Variants in MSH3 observed in about 807,000 individuals in gnomAD.
MSH3 encodes mutS homolog 3, also known as DNA mismatch repair protein Msh3.
In MSH3, 106 loss-of-function variants were observed where a neutral mutation model predicts 123.3. The observed-to-expected ratio is 0.86, with a 90% CI of 0.73 to 1.01. The LOEUF is 1.01. MSH3 is among the 50% of genes least tolerant of loss of function. The probability of loss-of-function intolerance (pLI) is 0.00; values close to 1 mark genes in which losing one functional copy is unlikely to be tolerated. For synonymous variants in MSH3, 515 were observed against 481.4 expected (o/e 1.07, Z -0.91); for missense variants, 1,459 against 1,347.6 (o/e 1.08, Z -1.29).
At chr5:80,824,114 A>G (rs997803341) in intron 20 of MSH3, among the ~76,000 whole-genome samples, 14 of 152,212 alleles carry the variant, frequency 9.2e-5, no homozygotes, top group Non-Finnish European at 2.9e-5. Context: ...AGACACAGCA[A>G]CAATCTGATT....
chr5:80,786,357 A>G (rs1225059521), intron 17 of MSH3, among the ~76,000 whole-genome samples: 1 of 152,202 alleles, frequency 6.6e-6, no homozygotes, highest in Admixed American at 6.5e-5. Context: ...TGTAAAACTT[A>G]GGTAATGAAG....
At chr5:80,850,042 A>G (rs1745803166) in intron 20 of MSH3, among the ~76,000 whole-genome samples, 1 of 152,136 alleles carries the variant, frequency 6.6e-6, no homozygotes, top group Non-Finnish European at 1.5e-5. Context: ...TCCTCTGCCT[A>G]AATCACCTCT....
At chr5:80,835,945 G>T (rs1395016179) in intron 20 of MSH3, among the ~76,000 whole-genome samples, 1 of 151,706 alleles carries the variant, frequency 6.6e-6, no homozygotes, top group Non-Finnish European at 1.5e-5. Context: ...ATACTGTGGA[G>T]GTTATGTGAC....
intron 8 of MSH3, among the ~76,000 whole-genome samples, chr5:80,698,206 A>G (rs1750528518): frequency 6.6e-6 from 1 of 152,152 alleles, no homozygotes; most frequent in Non-Finnish European, 1.5e-5. Flanking sequence ...CCTGGCCAAA[A>G]TCTGCATTTT....
chr5:80,764,426 A>G (rs1314832223), intron 13 of MSH3, among the ~76,000 whole-genome samples: 1 of 151,562 alleles, frequency 6.6e-6, no homozygotes, highest in African/African-American at 2.4e-5. Flanking sequence ...CCCATGCTGG[A>G]ATGCAGTGGT....
Position 80,817,586 on chromosome 5 carries a change from T to C in MSH3, c.2813+3845T>C, listed in dbSNP as rs113937179. ...AAAAATAAATAAATTAATTAATTAA[T>C]CACCTTTGGAGGATCCTAGAATGAA... On this transcript the variant is annotated intron_variant, in intron 20 of 23. Transcript: ENST00000265081. Among the ~76,000 whole-genome samples the C allele has an allele frequency of 2.2e-3, 336 of 152,250 alleles. 3 individuals carry two copies. Among genetic ancestry groups the C allele is most frequent in the African/African-American group, 7.8e-3 (325 of 41,536 alleles).
At chr5:80,695,751 G>C (rs562115709) in intron 8 of MSH3, among the ~76,000 whole-genome samples, 28 of 152,264 alleles carry the variant, frequency 1.8e-4, no homozygotes, top group African/African-American at 4.6e-4. Flanking sequence ...TAGCATGGCT[G>C]CTCTGAAAGC....
intron 8 of MSH3, among the ~76,000 whole-genome samples, chr5:80,693,057 A>C (rs560307082): frequency 1.5e-5 from 2 of 137,538 alleles, no homozygotes. Flanking sequence ...GTTTATATAG[A>C]TAAATATACA....
intron 1 of MSH3, chr5:80,655,584 G>A (rs1173200022): frequency 5.4e-6 from 1 of 185,120 alleles, no homozygotes; most frequent in Non-Finnish European, 1.1e-5. Context: ...CAATAAGTAC[G>A]TTTGTTTGTT....
Position 80,875,875 on chromosome 5 carries a change from A to G in MSH3, c.*13A>G. On this transcript the variant is annotated 3_prime_UTR_variant, in exon 24 of 24. Transcript: ENST00000265081. The stretch of plus-strand genomic sequence containing the variant: ...TCTTCTTCATTAAAATGAAGACTAC[A>G]TTTGTGAACAAAAAATGGAGAATTA... 2 of 1,473,974 alleles carry G rather than the reference A, an allele frequency of 1.4e-6. No individual in the cohort carries two copies. The highest frequency in any genetic ancestry group is 1.4e-5 in the African/African-American group (1 of 72,292). 91.3% of individuals were successfully genotyped at this position (1,473,974 alleles called of 1,614,324 possible).
chr5:80,792,153 TATTC>T (rs1744617777), intron 18 of MSH3, among the ~76,000 whole-genome samples: 1 of 152,188 alleles, frequency 6.6e-6, no homozygotes, highest in Non-Finnish European at 1.5e-5. Context: ...TACTTTATTG[TATTC>T]ATTAATGAAA....
intron 20 of MSH3, among the ~76,000 whole-genome samples, chr5:80,841,502 C>G (rs967908563): frequency 1.3e-5 from 2 of 152,198 alleles, no homozygotes; most frequent in Non-Finnish European, 2.9e-5. Flanking sequence ...AATGGTTGAA[C>G]TAGTTTACAC....
rs1159507210 is a variant in MSH3, at chr5:80,876,758, TG to T, written c.*898del. Among the ~76,000 whole-genome samples the T allele has an allele frequency of 9.8e-5, 15 of 152,336 alleles. No individual in the cohort carries two copies. The highest frequency in any genetic ancestry group is 3.3e-4 in the Admixed American group (5 of 15,302). On this transcript the variant is annotated 3_prime_UTR_variant, in exon 24 of 24. Coordinates refer to ENST00000265081, the MANE Select transcript of MSH3 (RefSeq NM_002439.5). The stretch of plus-strand genomic sequence containing the variant: ...TAGGATTAAGCAGTTTAAAGATTGT[TG>T]GATGAAATTATTTGTCATTCATTCA...
At chr5:80,802,824 G>A (rs1201289930) in intron 19 of MSH3, among the ~76,000 whole-genome samples, 1 of 152,160 alleles carries the variant, frequency 6.6e-6, no homozygotes, top group Non-Finnish European at 1.5e-5. Context: ...AACATGCAAA[G>A]TTTATCACTT....
intron 20 of MSH3, among the ~76,000 whole-genome samples, chr5:80,821,795 G>A (rs1745208809): frequency 6.6e-6 from 1 of 152,218 alleles, no homozygotes; most frequent in Non-Finnish European, 1.5e-5. Context: ...AACCTGGAGG[G>A]ATAAGTTAAT....
At chr5:80,866,558 C>T (rs1346563530) in intron 22 of MSH3, among the ~76,000 whole-genome samples, 1 of 152,230 alleles carries the variant, frequency 6.6e-6, no homozygotes, top group East Asian at 1.9e-4. Context: ...AAGGCAACTA[C>T]TTTCAACACT....
At chr5:80,798,097 T>TAC in intron 19 of MSH3, among the ~76,000 whole-genome samples, 1 of 151,638 alleles carries the variant, frequency 6.6e-6, no homozygotes, top group East Asian at 1.9e-4. Flanking sequence ...AGCTTCTCAG[T>TAC]TTGTTGGGTG....
intron 20 of MSH3, among the ~76,000 whole-genome samples, chr5:80,848,797 G>A (rs1745772660): frequency 1.3e-5 from 2 of 152,104 alleles, no homozygotes; most frequent in South Asian, 4.1e-4. Context: ...GGGACACAGA[G>A]TCAAACCATG....
chr5:80,726,493 G>A (rs191931509), intron 9 of MSH3, among the ~76,000 whole-genome samples: 2 of 152,040 alleles, frequency 1.3e-5, no homozygotes, highest in East Asian at 1.9e-4. Flanking sequence ...TTTCTGTAAG[G>A]TCTCACTCTG....
Sources: allele counts gnomAD v4.1 joint callset (sites outside exome capture counted in the v4.1 genomes callset), GRCh38; gene constraint gnomAD v4.1.1; transcripts MANE v1.5; gene names NCBI Gene and HGNC (gene_info 2026-07-23, HGNC 2026-07-21).